SKAP1: variants seen among roughly 807,000 people sequenced by gnomAD.
SKAP1 encodes src kinase-associated phosphoprotein 1.
Under a neutral mutation model 58.5 loss-of-function variants are expected in SKAP1, and 44 were observed. The observed-to-expected ratio is 0.75, with a 90% CI of 0.59 to 0.97. The LOEUF (loss-of-function observed/expected upper bound fraction) is 0.97, where lower values mean the gene tolerates loss of function less well. Ranked by LOEUF, SKAP1 falls within the 50% of genes least tolerant of loss-of-function variation. The pLI is 0.00. For missense variants in SKAP1, 390 were observed against 435.2 expected, an observed-to-expected ratio of 0.90 and a Z score of 0.92; for synonymous variants, 127 against 149.7, an observed-to-expected ratio of 0.85 and a Z score of 1.11.
At chr17:48,158,171 C>CT (rs1355544476) in intron 11 of SKAP1, among the ~76,000 whole-genome samples, 4 of 80,830 alleles carry the variant, frequency 4.9e-5, no homozygotes, top group Admixed American at 1.6e-4. Context: ...GAGCAAAACT[C>CT]TGTCTCAAAA....
intron 2 of SKAP1, among the ~76,000 whole-genome samples, chr17:48,382,781 A>G (rs2067231981): frequency 6.6e-6 from 1 of 152,244 alleles, no homozygotes; most frequent in Non-Finnish European, 1.5e-5. Flanking sequence ...GAAGGAAACC[A>G]TTGAACAGGT....
chr17:48,434,668 G>A (rs553158230), upstream of SKAP1, among the ~76,000 whole-genome samples: 21 of 152,234 alleles, frequency 1.4e-4, no homozygotes, highest in Non-Finnish European at 1.2e-4. Flanking sequence ...TCTTCAAAGG[G>A]AGCAAATTCA....
intron 2 of SKAP1, among the ~76,000 whole-genome samples, chr17:48,381,243 C>T (rs976310825): frequency 1.3e-5 from 2 of 152,284 alleles, no homozygotes. Flanking sequence ...TTCCAAACTA[C>T]CTATCTGTCC....
intron 9 of SKAP1, among the ~76,000 whole-genome samples, chr17:48,171,617 A>C (rs1409383783): frequency 6.6e-6 from 1 of 152,170 alleles, no homozygotes; most frequent in African/African-American, 2.4e-5. Flanking sequence ...CTATCACCAG[A>C]ATCCTAATCC....
intron 4 of SKAP1, among the ~76,000 whole-genome samples, chr17:48,246,511 A>G (rs2065298803): frequency 6.6e-6 from 1 of 152,112 alleles, no homozygotes; most frequent in Non-Finnish European, 1.5e-5. Context: ...TTTATTTTTT[A>G]TTTTTATAGT....
chr17:48,138,894 A>ATTTT, intron 11 of SKAP1, among the ~76,000 whole-genome samples: 1 of 149,742 alleles, frequency 6.7e-6, no homozygotes, highest in African/African-American at 2.5e-5. Flanking sequence ...TGAAAAAAAA[A>ATTTT]TTTTTTTTTT....
chr17:48,264,413 T>C (rs1363240399), intron 4 of SKAP1, among the ~76,000 whole-genome samples: 1 of 152,200 alleles, frequency 6.6e-6, no homozygotes, highest in Non-Finnish European at 1.5e-5. Flanking sequence ...ATTACTGTGG[T>C]ATATGAGATT....
chr17:48,327,415 A>C (rs1198654811), intron 4 of SKAP1, among the ~76,000 whole-genome samples: 2 of 152,266 alleles, frequency 1.3e-5, no homozygotes, highest in Non-Finnish European at 2.9e-5. Flanking sequence ...CACGGTTTTC[A>C]GACCAGGGTT....
chr17:48,137,840 C>G (rs1046658040), intron 11 of SKAP1, among the ~76,000 whole-genome samples: 39 of 152,174 alleles, frequency 2.6e-4, no homozygotes, highest in African/African-American at 9.2e-4. Context: ...AGACTGAGAT[C>G]TAATCCTCGC....
rs546761127 is a variant in SKAP1 at position 48,206,638 on chromosome 17, T to G, written c.281-17138A>C. Among the ~76,000 whole-genome samples the G allele has an allele frequency of 1.2e-4, 18 of 152,184 alleles. No individual in the cohort carries two copies. In the East Asian group the frequency reaches 2.9e-3, roughly 24 times the overall value. On this transcript the variant is annotated intron_variant, in intron 4 of 12. Coordinates refer to ENST00000336915, the MANE Select transcript of SKAP1 (RefSeq NM_003726.4). ...AATAGGAATGCTGACTCCTCCCCTA[T>G]CATAATATAAAATCAATAGGTAATG... is the stretch of plus-strand genomic sequence containing the variant.
intron 4 of SKAP1, among the ~76,000 whole-genome samples, chr17:48,266,567 G>A (rs1448737698): frequency 1.4e-5 from 2 of 147,304 alleles, no homozygotes; most frequent in Non-Finnish European, 3.0e-5. Context: ...CTGGAGTGCA[G>A]TGGCGCAATC....
chr17:48,440,827 C>G, the SKAP1 span, among the ~76,000 whole-genome samples: 1 of 152,152 alleles, frequency 6.6e-6, no homozygotes, highest in African/African-American at 2.4e-5. Flanking sequence ...TGGAACAAAA[C>G]CAGGATGCAT....
chr17:48,287,364 T>C (rs190958295), intron 4 of SKAP1, among the ~76,000 whole-genome samples: 1 of 147,558 alleles, frequency 6.8e-6, no homozygotes, highest in Non-Finnish European at 1.5e-5. Context: ...GTAATTACAT[T>C]TTTTTTTAGT....
chr17:48,362,158 C>T (rs921276917), intron 3 of SKAP1, among the ~76,000 whole-genome samples: 5 of 152,232 alleles, frequency 3.3e-5, no homozygotes, highest in Non-Finnish European at 7.3e-5. Flanking sequence ...GTCTCCTTGG[C>T]TGCTCTACCT....
intron 9 of SKAP1, among the ~76,000 whole-genome samples, chr17:48,173,111 T>G (rs2064238323): frequency 6.6e-6 from 1 of 152,064 alleles, no homozygotes; most frequent in Non-Finnish European, 1.5e-5. Context: ...GCCCAAGAGT[T>G]TGAGGCTGCA....
chr17:48,246,510 T>A (rs529364668), intron 4 of SKAP1, among the ~76,000 whole-genome samples: 2 of 152,364 alleles, frequency 1.3e-5, no homozygotes, highest in East Asian at 1.9e-4. Context: ...TTTTATTTTT[T>A]ATTTTTATAG....
At chr17:48,151,739 T>C (rs766744838) in intron 11 of SKAP1, among the ~76,000 whole-genome samples, 7 of 152,228 alleles carry the variant, frequency 4.6e-5, no homozygotes, top group South Asian at 2.1e-4. Context: ...AAGTTCTTAG[T>C]ATTTGGAACT....
upstream of SKAP1, among the ~76,000 whole-genome samples, chr17:48,433,942 G>A (rs2067929820): frequency 6.6e-6 from 1 of 152,218 alleles, no homozygotes; most frequent in Non-Finnish European, 1.5e-5. Flanking sequence ...CACCCAGAAT[G>A]GCATGCAGTG....
chr17:48,417,714 C>T (rs1439569017), intron 1 of SKAP1, among the ~76,000 whole-genome samples: 1 of 145,828 alleles, frequency 6.9e-6, no homozygotes, highest in Non-Finnish European at 1.5e-5. Context: ...CATTTCACTA[C>T]AGCCTGAGTG....
Sources: gnomAD v4.1 joint callset for allele counts (sites outside exome capture counted in the v4.1 genomes callset) on GRCh38, gnomAD v4.1.1 for gene constraint, MANE v1.5 for transcripts, NCBI Gene and HGNC (gene_info 2026-07-23, HGNC 2026-07-21) for gene names.